Variants in NUB1 observed in about 807,000 individuals in gnomAD.
The protein encoded by NUB1 is NEDD8 ultimate buster 1.
In NUB1, 41 loss-of-function variants were observed where a neutral mutation model predicts 77.1. The observed-to-expected ratio is 0.53, with a 90% CI of 0.41 to 0.69. NUB1 has a LOEUF of 0.69. Among genes scored for constraint, NUB1 ranks in the 30% least tolerant of loss-of-function variants. The probability of loss-of-function intolerance (pLI) is 0.00; values close to 1 mark genes in which losing one functional copy is unlikely to be tolerated. For missense variants in NUB1, 643 were observed against 743.8 expected, an observed-to-expected ratio of 0.86 and a Z score of 1.58; for synonymous variants, 257 against 281.0, an observed-to-expected ratio of 0.91 and a Z score of 0.85.
chr7:151,375,856 C>T lies in NUB1; in HGVS notation c.1404C>T (p.Leu468=), dbSNP rs937749765. ...GNLDEALKIL[L]SNPQMWWLND... is the part of the protein sequence containing the mutation. Reference sequence around the variant, plus strand: ...GTTCCTGTGTGTTTTAGATTCTGCTCAGCAATCCTCAGATGTGGTGGTTAA... The same window carrying T: ...GTTCCTGTGTGTTTTAGATTCTGCTTAGCAATCCTCAGATGTGGTGGTTAA... The change falls in exon 13 of 15, where the codon CTC becomes CTT. Residue 468 remains leucine, a synonymous_variant. Coordinates refer to ENST00000568733, the MANE Select transcript of NUB1 (RefSeq NM_001243351.2). 6.2e-7 allele frequency: 1 copy of T among 1,608,362 alleles called. No individual in the cohort carries two copies. The highest frequency in any genetic ancestry group is 2.2e-5 in the East Asian group (1 of 44,842).
At chr7:151,375,211 A>C (rs1563032044) in intron 12 of NUB1, among the ~76,000 whole-genome samples, 1 of 152,202 alleles carries the variant, frequency 6.6e-6, no homozygotes, top group Non-Finnish European at 1.5e-5. Flanking sequence ...TATATTTAAC[A>C]TATACGTTAA....
chr7:151,351,448 C>T lies in NUB1; in HGVS notation c.310C>T (p.Arg104Ter), dbSNP rs777971124. 2 of 1,612,922 alleles carry T rather than the reference C, an allele frequency of 1.2e-6. No individual in the cohort carries two copies. The highest frequency in any genetic ancestry group is 2.2e-5 in the East Asian group (1 of 44,878). The change falls in exon 4 of 15, where the codon CGA becomes TGA. Residue 104 changes from arginine to a stop codon, truncating the protein, a stop_gained. Coordinates refer to ENST00000568733, the MANE Select transcript of NUB1 (RefSeq NM_001243351.2). LOFTEE classifies it high-confidence loss of function. Reference sequence around the variant, plus strand: ...GGATAGGAAAAACTTGTTGGAGACCCGATTGCACATCACTGGCAGAGAACT... The same window carrying T: ...GGATAGGAAAAACTTGTTGGAGACCTGATTGCACATCACTGGCAGAGAACT... The part of the protein sequence containing the change: ...KKDRKNLLET[R>*]LHITGRELRS...
At chr7:151,353,634 G>A (rs1796926307) in intron 5 of NUB1, among the ~76,000 whole-genome samples, 2 of 152,172 alleles carry the variant, frequency 1.3e-5, no homozygotes, top group Non-Finnish European at 2.9e-5. Context: ...TCTGTGCTGC[G>A]GAGTGATACA....
At chr7:151,354,991 G>A (rs1036494256) in intron 5 of NUB1, among the ~76,000 whole-genome samples, 10 of 152,198 alleles carry the variant, frequency 6.6e-5, no homozygotes, top group African/African-American at 2.4e-4. Flanking sequence ...TGATCCACCT[G>A]CCTCAGCCTG....
At chr7:151,344,961 C>T (rs1398681026) in intron 1 of NUB1, among the ~76,000 whole-genome samples, 3 of 152,176 alleles carry the variant, frequency 2.0e-5, no homozygotes, top group Non-Finnish European at 4.4e-5. Context: ...GATCGCACCA[C>T]TGCACTCCAG....
intron 10 of NUB1, among the ~76,000 whole-genome samples, chr7:151,368,187 T>C (rs1797782104): frequency 6.6e-6 from 1 of 152,158 alleles, no homozygotes; most frequent in South Asian, 2.1e-4. Context: ...TGGATAGAAG[T>C]TTATGGCTCA....
intron 2 of NUB1, among the ~76,000 whole-genome samples, chr7:151,347,620 G>T (rs1325716719): frequency 1.3e-5 from 2 of 152,074 alleles, no homozygotes; most frequent in Non-Finnish European, 2.9e-5. Flanking sequence ...ACCATGCCTG[G>T]CTAATATATT....
intron 7 of NUB1, among the ~76,000 whole-genome samples, chr7:151,358,472 A>G (rs387859): frequency 0.81 from 122,731 of 152,176 alleles, 49,641 homozygotes; most frequent in East Asian, 0.99. Context: ...CCTGAGCTCC[A>G]CCTCCTGTCA....
In NUB1 at chr7:151,351,515, T is replaced by G. The variant is rs768169061; in HGVS notation, c.344+33T>G. The stretch of plus-strand genomic sequence containing the variant: ...TCTGTGTGCTCTGTGTCCTAGGTGC[T>G]CTGGGCCTTTTTACATTGGCTTATT... On this transcript the variant is annotated intron_variant, in intron 4 of 14. Coordinates refer to ENST00000568733, the MANE Select transcript of NUB1 (RefSeq NM_001243351.2). The G allele has an allele frequency of 2.6e-6, 4 of 1,536,996 alleles. No homozygotes were observed. The East Asian group carries it at 9.0e-5, about 35-fold the overall frequency.
At chr7:151,375,735 C>A in intron 12 of NUB1, 113 bp from the exon 13 acceptor site, 1 of 706,720 alleles carries the variant, frequency 1.4e-6, no homozygotes, top group Non-Finnish European at 2.6e-6. Context: ...CTTTCTCTGC[C>A]TCATAGCAGC....
chr7:151,376,248 G>A, intron 13 of NUB1: 1 of 468,112 alleles, frequency 2.1e-6, no homozygotes. Flanking sequence ...GGATGGCACT[G>A]TGACCTGGGA....
Position 151,376,766 on chromosome 7 carries a change from G to T in NUB1, c.1624G>T (p.Glu542Ter). The T allele has an allele frequency of 6.3e-7, 1 of 1,595,496 alleles. No homozygotes were observed. The highest frequency in any genetic ancestry group is 8.5e-7 in the Non-Finnish European group (1 of 1,172,102). The stretch of plus-strand genomic sequence containing the variant: ...GCCTCCCGAGCTGCCGCTGTCGCCA[G>T]AAGACTCTTTGTCCCCGCCAGCCAC... Reference protein sequence around the residue: ...SLPPELPLSPEDSLSPPATSP... With the variant: ...SLPPELPLSP The change falls in exon 14 of 15, where the codon GAA (glutamate) becomes TAA (stop). Residue 542 changes from glutamate (E) to a stop codon, truncating the protein, a stop_gained. Coordinates refer to ENST00000568733, the MANE Select transcript of NUB1 (RefSeq NM_001243351.2). LOFTEE classifies it high-confidence loss of function.
intron 4 of NUB1, among the ~76,000 whole-genome samples, chr7:151,351,916 A>ATCACACAC (rs60437024): frequency 0.31 from 46,393 of 151,070 alleles, 7,590 homozygotes; most frequent in East Asian, 0.43. Context: ...CCATCTGTAA[A>ATCACACAC]ACACACACAC....
intron 12 of NUB1, chr7:151,374,725 GT>G (rs1798127450): frequency 5.7e-6 from 1 of 176,928 alleles, no homozygotes; most frequent in Non-Finnish European, 1.2e-5. Context: ...CCAGACAGCA[GT>G]GACTTTACCT....
chr7:151,342,657 A>G (rs1474486699), intron 1 of NUB1, among the ~76,000 whole-genome samples: 2 of 152,232 alleles, frequency 1.3e-5, no homozygotes, highest in East Asian at 1.9e-4. Context: ...TCTGTTGTCT[A>G]TAACTGAAGT....
intron 7 of NUB1, among the ~76,000 whole-genome samples, chr7:151,356,547 C>A (rs11771465): frequency 0.16 from 24,043 of 152,192 alleles, 2,210 homozygotes; most frequent in Non-Finnish European, 0.21. Context: ...TACTAGAGAA[C>A]CTTGTCCCCT....
chr7:151,368,479 A>G (rs1390779462), intron 10 of NUB1, among the ~76,000 whole-genome samples: 1 of 152,214 alleles, frequency 6.6e-6, no homozygotes, highest in African/African-American at 2.4e-5. Context: ...TGCAAAAACA[A>G]AGTGGTTACC....
chr7:151,365,353 A>C (rs1584960427), intron 8 of NUB1, among the ~76,000 whole-genome samples: 1 of 144,772 alleles, frequency 6.9e-6, no homozygotes, highest in African/African-American at 2.6e-5. Context: ...ATAAATACTC[A>C]CTCCTGGGTC....
rs1439463687 is a variant in NUB1 at position 151,377,867 on chromosome 7, G to C, written c.*642G>C. On this transcript the variant is annotated 3_prime_UTR_variant, in exon 15 of 15. Transcript: ENST00000568733. ...AGTAAAATACGCCCCCGAAATTCAA[G>C]ATTGAGTGTCAGGCTTTATATATAT... 1 of 152,218 alleles carries C rather than the reference G, an allele frequency of 6.6e-6. No individual in the cohort carries two copies. Among genetic ancestry groups the C allele is most frequent in the Non-Finnish European group, 1.5e-5 (1 of 68,050 alleles). 9.4% of individuals were successfully genotyped at this position (152,218 alleles called of 1,614,324 possible). A position where few individuals can be genotyped will look rare whatever the true frequency, so the allele number is the denominator to read the frequency against.
Sources: gnomAD v4.1 joint callset for allele counts (sites outside exome capture counted in the v4.1 genomes callset) on GRCh38, gnomAD v4.1.1 for gene constraint, MANE v1.5 for transcripts, NCBI Gene and HGNC (gene_info 2026-07-23, HGNC 2026-07-21) for gene names.